The following FILIP1 variants were observed in gnomAD, a reference collection of about 807,000 sequenced individuals.
FILIP1 encodes filamin-A-interacting protein 1.
A neutral mutation model predicts 102.1 loss-of-function variants in FILIP1; 61 were observed. That is an observed-to-expected ratio of 0.60 (90% CI 0.49 to 0.74). The LOEUF is 0.74. FILIP1 is among the 30% of genes least tolerant of loss of function. FILIP1 has a pLI of 0.00. For missense variants in FILIP1, 1,314 were observed against 1,441.2 expected (o/e 0.91, Z 1.43); for synonymous variants, 491 against 526.9 (o/e 0.93, Z 0.93).
chr6:75,356,176 C>A (rs780701703), intron 3 of FILIP1, among the ~76,000 whole-genome samples: 2 of 152,242 alleles, frequency 1.3e-5, no homozygotes, highest in Non-Finnish European at 1.5e-5. Flanking sequence ...TCCACAGGGT[C>A]TCAGCATCAG....
intron 1 of FILIP1, among the ~76,000 whole-genome samples, chr6:75,455,860 C>T (rs73749648): frequency 1.9e-3 from 294 of 152,302 alleles, no homozygotes; most frequent in African/African-American, 6.8e-3. Context: ...GGCAGAGTCA[C>T]AAAATATGTT....
chr6:75,419,878 A>G (rs1270083130), intron 1 of FILIP1, among the ~76,000 whole-genome samples: 2 of 152,156 alleles, frequency 1.3e-5, no homozygotes, highest in Non-Finnish European at 2.9e-5. Context: ...TATAGCATAT[A>G]TTGCTCAGAA....
chr6:75,414,932 C>A lies in FILIP1; in HGVS notation c.41G>T (p.Gly14Val), dbSNP rs760232678. Residue 14 changes from glycine (G) to valine (V), a missense_variant, in exon 2 of 6, where the codon GGG becomes GTG. By Grantham distance (109) the Gly-to-Val change is moderately radical. This residue lies in a region of FILIP1 where 494 missense variants were observed against 511.2 expected (regional missense o/e 0.97). Coordinates refer to ENST00000237172, the MANE Select transcript of FILIP1 (RefSeq NM_015687.5). ...RNQGGESASD[G>V]HISCPKPSII... ...GGAGGGCTTGGGACAGGAGATATGCCCATCAGATGCACTTTCACCACCTTG... is the reference window on the plus strand; with the variant it reads ...GGAGGGCTTGGGACAGGAGATATGCACATCAGATGCACTTTCACCACCTTG... The A allele has an allele frequency of 3.1e-6, 5 of 1,613,680 alleles. No homozygotes were observed. The highest frequency in any genetic ancestry group is 4.2e-6 in the Non-Finnish European group (5 of 1,179,800).
intron 1 of FILIP1, among the ~76,000 whole-genome samples, chr6:75,433,296 G>C (rs1777892179): frequency 6.6e-6 from 1 of 152,296 alleles, no homozygotes; most frequent in African/African-American, 2.4e-5. Context: ...CCCACCAACA[G>C]TGTAAAAGTG....
chr6:75,294,189 A>G (rs1168273850), exon 7 of FILIP1: 2 of 152,228 alleles, frequency 1.3e-5, no homozygotes, highest in Non-Finnish European at 2.9e-5. Context: ...TCTATTCCAG[A>G]GACTCAGTTT....
At chr6:75,480,019 T>C (rs924262088) in intron 1 of FILIP1, among the ~76,000 whole-genome samples, 2 of 152,062 alleles carry the variant, frequency 1.3e-5, no homozygotes, top group Non-Finnish European at 2.9e-5. Context: ...TCAGTTTTTA[T>C]GGAATCAGAT....
intron 2 of FILIP1, among the ~76,000 whole-genome samples, chr6:75,402,243 A>G (rs543190164): frequency 4.6e-5 from 7 of 152,286 alleles, no homozygotes; most frequent in African/African-American, 1.7e-4. Context: ...AAATCAGACA[A>G]CAAAGCTCTT....
chr6:75,336,683 GT>G (rs1192555126), intron 4 of FILIP1, among the ~76,000 whole-genome samples: 1 of 152,074 alleles, frequency 6.6e-6, no homozygotes, highest in Non-Finnish European at 1.5e-5. Context: ...AAGGGGAAAT[GT>G]TTTATTACCT....
chr6:75,381,009 T>G (rs892444143), intron 2 of FILIP1, among the ~76,000 whole-genome samples: 3 of 152,192 alleles, frequency 2.0e-5, no homozygotes, highest in Admixed American at 1.3e-4. Context: ...AGGTATCTTT[T>G]CTGGTATTGC....
intron 4 of FILIP1, among the ~76,000 whole-genome samples, chr6:75,348,887 G>A (rs1463991434): frequency 1.3e-5 from 2 of 152,118 alleles, no homozygotes; most frequent in East Asian, 3.8e-4. Context: ...ATATCTCTGT[G>A]CTTATATCTT....
chr6:75,492,391 A>G (rs1779987968), intron 1 of FILIP1, among the ~76,000 whole-genome samples: 1 of 152,176 alleles, frequency 6.6e-6, no homozygotes, highest in Non-Finnish European at 1.5e-5. Context: ...ATGTGCTTCT[A>G]TATCTTCTTT....
At chr6:75,447,213 G>T (rs753905951) in intron 1 of FILIP1, among the ~76,000 whole-genome samples, 1 of 152,028 alleles carries the variant, frequency 6.6e-6, no homozygotes, top group Non-Finnish European at 1.5e-5. Context: ...GAAAGAAAAC[G>T]GTTATAAACA....
chr6:75,486,623 T>C (rs1779795899), intron 1 of FILIP1, among the ~76,000 whole-genome samples: 2 of 152,138 alleles, frequency 1.3e-5, no homozygotes, highest in South Asian at 4.1e-4. Flanking sequence ...ATAGATAAGG[T>C]CAAATTGCCT....
At chr6:75,455,483 A>G (rs762552395) in intron 1 of FILIP1, among the ~76,000 whole-genome samples, 6 of 152,232 alleles carry the variant, frequency 3.9e-5, no homozygotes, top group Non-Finnish European at 8.8e-5. Context: ...AAAAATTTTT[A>G]ATGAAATTGA....
intron 4 of FILIP1, among the ~76,000 whole-genome samples, chr6:75,320,279 G>T (rs1026068195): frequency 7.2e-5 from 11 of 152,202 alleles, no homozygotes; most frequent in African/African-American, 2.7e-4. Flanking sequence ...TCTGTAGGCT[G>T]GGAGCGGTGG....
Position 75,312,322 on chromosome 6 carries a change from G to A in FILIP1, c.3435+75C>T. ...GAGAAGCATGTGGCTGGGTTTTACT[G>A]TGGGTGCTGGGTAGTCTCACTACTC... On this transcript the variant is annotated intron_variant, in intron 5 of 5. Transcript: ENST00000237172. 4 of 1,439,666 alleles carry A rather than the reference G, an allele frequency of 2.8e-6. No individual in the cohort carries two copies. In the South Asian group the frequency reaches 4.0e-5, roughly 14 times the overall value. 89.2% of individuals were successfully genotyped at this position (1,439,666 alleles called of 1,614,324 possible).
intron 1 of FILIP1, among the ~76,000 whole-genome samples, chr6:75,477,263 G>A (rs933486835): frequency 3.9e-5 from 6 of 152,214 alleles, no homozygotes; most frequent in East Asian, 1.9e-4. Context: ...GATGGTTACC[G>A]GACGCTTGGA....
Position 75,314,990 on chromosome 6 carries a change from T to TTC in FILIP1, c.840_841dup (p.Lys281ArgfsTer20). On this transcript the variant is annotated frameshift_variant, in exon 5 of 6. Coordinates refer to ENST00000237172, the MANE Select transcript of FILIP1 (RefSeq NM_015687.5). LOFTEE classifies it high-confidence loss of function. ...GGATTTGGAAGTAATGGCTTTGAGC[T>TTC]TCTCTTCTTCTTCCCTCAGCTTCTG... The TTC allele has an allele frequency of 6.2e-7, 1 of 1,613,998 alleles. No individual in the cohort carries two copies. Among genetic ancestry groups the TTC allele is most frequent in the South Asian group, 1.1e-5 (1 of 91,024 alleles).
intron 2 of FILIP1, among the ~76,000 whole-genome samples, chr6:75,384,391 T>TAAATGGAACACATTTA (rs969167654): frequency 1.3e-5 from 2 of 152,226 alleles, no homozygotes; most frequent in African/African-American, 4.8e-5. Context: ...CTTTAGCACC[T>TAAATGGAACACATTTA]GCACATCCTA....
Sources: allele counts gnomAD v4.1 joint callset (sites outside exome capture counted in the v4.1 genomes callset), GRCh38; gene constraint gnomAD v4.1.1; regional missense constraint gnomAD v4.1.1; transcripts MANE v1.5; gene names NCBI Gene and HGNC (gene_info 2026-07-23, HGNC 2026-07-21).